Variants in TAMM41 observed in about 807,000 individuals in gnomAD.
TAMM41 encodes the protein TAM41 mitochondrial translocator assembly and maintenance homolog, also known as phosphatidate cytidylyltransferase, mitochondrial.
In TAMM41, 36 loss-of-function variants were observed where a neutral mutation model predicts 44.1. The ratio of observed to expected loss-of-function variants is 0.82; its 90% CI spans 0.63 to 1.08. The LOEUF (loss-of-function observed/expected upper bound fraction) is 1.08. TAMM41 is among the 50% of genes least tolerant of loss of function. TAMM41 has a pLI of 0.00. For synonymous variants in TAMM41, 164 were observed against 153.1 expected, an observed-to-expected ratio of 1.07 and a Z score of -0.53; for missense variants, 417 against 404.3, an observed-to-expected ratio of 1.03 and a Z score of -0.27.
the TAMM41 span, among the ~76,000 whole-genome samples, chr3:11,724,092 T>C: frequency 6.6e-6 from 1 of 151,310 alleles, no homozygotes; most frequent in Non-Finnish European, 1.5e-5. Context: ...TTTTTATATT[T>C]TTATTTATTT....
chr3:11,793,531 A>G (rs557457689), intron 7 of TAMM41, among the ~76,000 whole-genome samples: 16 of 152,328 alleles, frequency 1.1e-4, no homozygotes, highest in African/African-American at 3.6e-4. Flanking sequence ...ACCAAAAGAC[A>G]GGTACAAAAA....
chr3:11,806,582 CAAAA>C (rs1037875157), intron 7 of TAMM41, among the ~76,000 whole-genome samples: 5 of 151,858 alleles, frequency 3.3e-5, no homozygotes, highest in Non-Finnish European at 7.4e-5. Context: ...AAATAGAAGA[CAAAA>C]GAAAGAAAAC....
In TAMM41 at chr3:11,829,768, C is replaced by T. The variant is rs756653226; in HGVS notation, c.508G>A (p.Glu170Lys). The T allele has an allele frequency of 8.7e-6, 14 of 1,614,004 alleles. No individual in the cohort carries two copies. Among genetic ancestry groups the T allele is most frequent in the Middle Eastern group, 3.3e-4 (2 of 6,084 alleles). The change falls in exon 4 of 8, where the codon GAA becomes AAA. Residue 170 changes from glutamate to lysine, a missense_variant. Glu to Lys is a moderately conservative substitution (Grantham distance 56). Transcript: ENST00000455809. ...AVTAAFLMLP[E>K]SFSEEDLFIE... Reference sequence around the variant, plus strand: ...AAGAGGTCTTCTTCAGAAAAGCTTTCGGGGAGCATGAGGAAAGCAGCGGTC... The same window carrying T: ...AAGAGGTCTTCTTCAGAAAAGCTTTTGGGGAGCATGAGGAAAGCAGCGGTC...
intron 2 of TAMM41, 56 bp downstream of exon 2, chr3:11,843,973 C>G: frequency 6.4e-7 from 1 of 1,573,984 alleles, no homozygotes; most frequent in Non-Finnish European, 8.7e-7. Context: ...AGCTGGCACT[C>G]TAATAACCCA....
chr3:11,783,697 T>C, the TAMM41 span, among the ~76,000 whole-genome samples: 1 of 152,244 alleles, frequency 6.6e-6, no homozygotes, highest in African/African-American at 2.4e-5. Context: ...TACCATTTAC[T>C]GGGCACCTAT....
chr3:11,778,960 T>C, the TAMM41 span, among the ~76,000 whole-genome samples: 1 of 152,212 alleles, frequency 6.6e-6, no homozygotes, highest in African/African-American at 2.4e-5. Flanking sequence ...GGTTTGGATG[T>C]CTGTCCCCTC....
the TAMM41 span, among the ~76,000 whole-genome samples, chr3:11,727,117 C>T: frequency 6.6e-6 from 1 of 152,168 alleles, no homozygotes; most frequent in East Asian, 1.9e-4. Flanking sequence ...CGAATTTTGG[C>T]CTCATAACAA....
At chr3:11,801,610 G>A (rs1475469785) in intron 7 of TAMM41, among the ~76,000 whole-genome samples, 1 of 152,160 alleles carries the variant, frequency 6.6e-6, no homozygotes, top group East Asian at 1.9e-4. Flanking sequence ...ACAGGCATGA[G>A]CCACCATGCC....
intron 3 of TAMM41, among the ~76,000 whole-genome samples, chr3:11,834,987 C>CTATATCCCTTTTAA (rs1036803138): frequency 1.3e-5 from 2 of 152,144 alleles, no homozygotes; most frequent in Non-Finnish European, 2.9e-5. Context: ...CGCACTCGGC[C>CTATATCCCTTTTAA]TATATCCCTT....
chr3:11,808,561 C>T (rs964806730), intron 6 of TAMM41: 22 of 985,298 alleles, frequency 2.2e-5, no homozygotes, highest in East Asian at 1.1e-4. Context: ...ATCTGGCACG[C>T]GGAGGAGCTC....
intron 6 of TAMM41, chr3:11,808,675 C>T: frequency 7.4e-6 from 7 of 945,190 alleles, no homozygotes; most frequent in Non-Finnish European, 8.8e-6. Flanking sequence ...CATAAATTAC[C>T]TTTAGCACCT....
At chr3:11,749,990 C>T in the TAMM41 span, among the ~76,000 whole-genome samples, 2 of 151,726 alleles carry the variant, frequency 1.3e-5, no homozygotes, top group Non-Finnish European at 2.9e-5. Flanking sequence ...CTCCACCTCC[C>T]GGTTCATGTT....
At chr3:11,742,966 C>T in the TAMM41 span, among the ~76,000 whole-genome samples, 1 of 152,118 alleles carries the variant, frequency 6.6e-6, no homozygotes, top group African/African-American at 2.4e-5. Flanking sequence ...CTACTAAAGA[C>T]TAAAGCCAGA....
chr3:11,817,319 A>G lies in TAMM41; in HGVS notation c.581T>C (p.Val194Ala), dbSNP rs916538623. ...LSYSGDFRMV[V>A]GEDKTKVLNI... The stretch of plus-strand genomic sequence containing the variant: ...CAACACTTTTGTTTTATCTTCTCCA[A>G]CCACCATCCGAAAGTCACCTAGTTA... Residue 194 changes from valine to alanine, a missense_variant, in exon 5 of 8, where the codon GTT becomes GCT. Coordinates refer to ENST00000455809, the MANE Select transcript of TAMM41 (RefSeq NM_001284401.2). The G allele has an allele frequency of 2.5e-6, 4 of 1,609,456 alleles. No homozygotes were observed. The Admixed American group carries it at 5.0e-5, about 20-fold the overall frequency.
downstream of TAMM41, among the ~76,000 whole-genome samples, chr3:11,790,097 G>A (rs780733226): frequency 2.6e-5 from 4 of 152,008 alleles, no homozygotes; most frequent in Non-Finnish European, 4.4e-5. Context: ...AGCCCCTGCT[G>A]GAAAAAAAAC....
rs527727560 is a variant in TAMM41 at position 11,807,173 on chromosome 3, C to T, written c.937+660G>A. The T allele has an allele frequency of 3.7e-6, 5 of 1,345,528 alleles. No homozygotes were observed. In the East Asian group the frequency reaches 8.6e-5, roughly 23 times the overall value. 83.3% of individuals were successfully genotyped at this position (1,345,528 alleles called of 1,614,324 possible). A position where few individuals can be genotyped will look rare whatever the true frequency, so the allele number is the denominator to read the frequency against. On this transcript the variant is annotated intron_variant, in intron 7 of 7. Transcript: ENST00000455809. ...CCCCCTAGAGGGGACAGCGAAGACA[C>T]TCTCCATGAGAGAAGAACATTATGC...
At chr3:11,792,641 C>T (rs1010053191) in intron 7 of TAMM41, among the ~76,000 whole-genome samples, 1 of 152,102 alleles carries the variant, frequency 6.6e-6, no homozygotes, top group African/African-American at 2.4e-5. Flanking sequence ...AGGTGGAGAA[C>T]TTAAATTTCA....
the TAMM41 span, among the ~76,000 whole-genome samples, chr3:11,722,747 A>G: frequency 5.3e-5 from 8 of 151,970 alleles, no homozygotes; most frequent in Non-Finnish European, 1.2e-4. Flanking sequence ...AAGGTGGGCG[A>G]ATCACGAGGT....
chr3:11,795,813 C>A (rs1481873832), intron 7 of TAMM41, among the ~76,000 whole-genome samples: 1 of 152,182 alleles, frequency 6.6e-6, no homozygotes, highest in African/African-American at 2.4e-5. Flanking sequence ...AGTTGCTTAG[C>A]TGGTCTTTTG....
Sources: allele counts gnomAD v4.1 joint callset (sites outside exome capture counted in the v4.1 genomes callset), GRCh38; gene constraint gnomAD v4.1.1; transcripts MANE v1.5; gene names NCBI Gene and HGNC (gene_info 2026-07-23, HGNC 2026-07-21).